The following VAV3 variants were observed in gnomAD, a reference collection of about 807,000 sequenced individuals.
VAV3 encodes vav guanine nucleotide exchange factor 3.
In VAV3, 94 loss-of-function variants were observed where a neutral mutation model predicts 131.2. That is an observed-to-expected ratio of 0.72 (90% CI 0.61 to 0.85). The LOEUF (loss-of-function observed/expected upper bound fraction) is 0.85. Ranked by LOEUF, VAV3 falls within the 40% of genes least tolerant of loss-of-function variation. The pLI, the probability that VAV3 is intolerant of heterozygous loss-of-function variation, is 0.00. For missense variants in VAV3, 939 were observed against 1,002.7 expected, an observed-to-expected ratio of 0.94 and a Z score of 0.86; for synonymous variants, 349 against 342.0, an observed-to-expected ratio of 1.02 and a Z score of -0.22.
chr1:107,729,974 C>T (rs1236650546), intron 15 of VAV3, among the ~76,000 whole-genome samples: 1 of 152,046 alleles, frequency 6.6e-6, no homozygotes, highest in African/African-American at 2.4e-5. Flanking sequence ...AGATAAATAA[C>T]AATATGTGGA....
Position 107,804,781 on chromosome 1 carries a change from T to C in VAV3, c.322-25289A>G, listed in dbSNP as rs546160601. Among the ~76,000 whole-genome samples the C allele has an allele frequency of 5.3e-5, 8 of 152,324 alleles. No individual in the cohort carries two copies. The East Asian group carries it at 1.3e-3, about 26-fold the overall frequency. ...TTTTGGTTTTTTTTGTTTGTTTGTT[T>C]TGCACATTAATCTTTTCTTTCAGAA... On this transcript the variant is annotated intron_variant, in intron 2 of 26. Transcript: ENST00000370056.
chr1:107,667,534 G>A (rs1037856229), intron 19 of VAV3, among the ~76,000 whole-genome samples: 2 of 152,046 alleles, frequency 1.3e-5, no homozygotes, highest in African/African-American at 4.8e-5. Context: ...ATGAATTTAT[G>A]ATAAGGTTTA....
At chr1:107,813,175 G>T (rs553805314) in intron 2 of VAV3, among the ~76,000 whole-genome samples, 1 of 151,136 alleles carries the variant, frequency 6.6e-6, no homozygotes, top group South Asian at 2.1e-4. Flanking sequence ...AATAAGCTAT[G>T]AAATGCATAT....
At chr1:107,613,720 A>G (rs1372886227) in intron 21 of VAV3, among the ~76,000 whole-genome samples, 1 of 152,124 alleles carries the variant, frequency 6.6e-6, no homozygotes, top group Admixed American at 6.6e-5. Flanking sequence ...GGATTGATTT[A>G]ATGATTTCAA....
intron 15 of VAV3, among the ~76,000 whole-genome samples, chr1:107,722,254 C>T (rs965032133): frequency 6.6e-6 from 1 of 152,198 alleles, no homozygotes; most frequent in Non-Finnish European, 1.5e-5. Flanking sequence ...CCACTCAAAA[C>T]TAATTACATT....
At chr1:107,671,145 T>C (rs1470716104) in intron 19 of VAV3, among the ~76,000 whole-genome samples, 2 of 152,238 alleles carry the variant, frequency 1.3e-5, no homozygotes, top group Non-Finnish European at 2.9e-5. Flanking sequence ...TATCTAATCA[T>C]GTTCACGTCC....
At chr1:107,748,832 C>T in intron 15 of VAV3, 136 bp downstream of exon 15, 1 of 692,264 alleles carries the variant, frequency 1.4e-6, no homozygotes, top group Non-Finnish European at 2.3e-6. Flanking sequence ...AGCACTCCTG[C>T]TCACAGCAAA....
intron 1 of VAV3, among the ~76,000 whole-genome samples, chr1:107,941,989 T>G (rs543354395): frequency 6.6e-6 from 1 of 152,206 alleles, no homozygotes; most frequent in South Asian, 2.1e-4. Flanking sequence ...GACTGTCTCC[T>G]CCTAGAATAC....
intron 1 of VAV3, among the ~76,000 whole-genome samples, chr1:107,882,818 A>T (rs1354593336): frequency 3.3e-5 from 5 of 152,202 alleles, no homozygotes; most frequent in Admixed American, 3.3e-4. Flanking sequence ...TATCCCCTGA[A>T]TTACAAAATA....
chr1:107,933,513 G>T (rs1403877822), intron 1 of VAV3, among the ~76,000 whole-genome samples: 1 of 151,958 alleles, frequency 6.6e-6, no homozygotes, highest in Non-Finnish European at 1.5e-5. Flanking sequence ...CCTGCAATTG[G>T]ATTTGCAAAT....
intron 20 of VAV3, among the ~76,000 whole-genome samples, chr1:107,624,721 C>T (rs1225757709): frequency 1.3e-5 from 2 of 152,118 alleles, no homozygotes; most frequent in Non-Finnish European, 2.9e-5. Flanking sequence ...ACTAAATGCT[C>T]ATGGCAGCAT....
chr1:107,863,864 A>G (rs1406513367), intron 2 of VAV3, among the ~76,000 whole-genome samples: 1 of 152,224 alleles, frequency 6.6e-6, no homozygotes, highest in Non-Finnish European at 1.5e-5. Context: ...AAACATTCTC[A>G]GTAGCTATGC....
rs573526053 is a variant in VAV3, at chr1:107,711,375, A to G, written c.1503-6314T>C. Among the ~76,000 whole-genome samples, 3 of 152,330 alleles carry G rather than the reference A, an allele frequency of 2.0e-5. No individual in the cohort carries two copies. In the East Asian group the frequency reaches 5.8e-4, roughly 29 times the overall value. On this transcript the variant is annotated intron_variant, in intron 15 of 26. Coordinates refer to ENST00000370056, the MANE Select transcript of VAV3 (RefSeq NM_006113.5). Reference sequence around the variant, plus strand: ...CTCTCTGCCTACATACTCAGCCACAATATTTTTAAAAAATCCCAGAAGGAA... The same window carrying G: ...CTCTCTGCCTACATACTCAGCCACAGTATTTTTAAAAAATCCCAGAAGGAA...
At chr1:107,699,667 G>A (rs1390497514) in intron 17 of VAV3, among the ~76,000 whole-genome samples, 1 of 152,138 alleles carries the variant, frequency 6.6e-6, no homozygotes, top group Non-Finnish European at 1.5e-5. Context: ...CCGCTGCCTG[G>A]GCATCCAGAC....
At chr1:107,773,965 C>T (rs1665194233) in intron 4 of VAV3, among the ~76,000 whole-genome samples, 1 of 152,110 alleles carries the variant, frequency 6.6e-6, no homozygotes, top group Non-Finnish European at 1.5e-5. Flanking sequence ...ACATCACCAC[C>T]CCTGCAAAAA....
At chr1:107,587,289 A>G (rs2101034513) in intron 25 of VAV3, among the ~76,000 whole-genome samples, 1 of 152,358 alleles carries the variant, frequency 6.6e-6, no homozygotes, top group African/African-American at 2.4e-5. Flanking sequence ...AGAGAGCTGC[A>G]GAGTTAAAAC....
chr1:107,679,021 G>A (rs954479272), intron 19 of VAV3, among the ~76,000 whole-genome samples: 5 of 151,946 alleles, frequency 3.3e-5, no homozygotes, highest in South Asian at 2.1e-4. Flanking sequence ...AATTCTTTGC[G>A]GAAAGGGGCC....
At chr1:107,735,416 A>G (rs1413383032) in intron 15 of VAV3, among the ~76,000 whole-genome samples, 3 of 152,156 alleles carry the variant, frequency 2.0e-5, no homozygotes, top group Non-Finnish European at 4.4e-5. Flanking sequence ...AACGAATCCA[A>G]GAGCTGGTTT....
At chr1:107,633,029 T>TA (rs747608779) in intron 20 of VAV3, among the ~76,000 whole-genome samples, 1 of 152,164 alleles carries the variant, frequency 6.6e-6, no homozygotes, top group Non-Finnish European at 1.5e-5. Flanking sequence ...TAGTATTTAG[T>TA]AAAAAATGGC....
Sources: allele counts gnomAD v4.1 joint callset (sites outside exome capture counted in the v4.1 genomes callset), GRCh38; gene constraint gnomAD v4.1.1; transcripts MANE v1.5; gene names NCBI Gene and HGNC (gene_info 2026-07-23, HGNC 2026-07-21).